Variants in ACOXL observed in about 807,000 individuals in gnomAD.
ACOXL encodes the protein acyl-coenzyme A oxidase-like protein.
A neutral mutation model predicts 71.9 loss-of-function variants in ACOXL; 70 were observed. The observed-to-expected ratio is 0.97, with a 90% CI of 0.80 to 1.19. ACOXL has a LOEUF of 1.19. Ranked by LOEUF, ACOXL falls within the 50% of genes most tolerant of loss-of-function variation. The pLI is 0.00. For missense variants in ACOXL, 703 were observed against 736.3 expected (o/e 0.95, Z 0.52); for synonymous variants, 253 against 281.6 (o/e 0.90, Z 1.02).
chr2:110,890,662 T>G (rs1574008510), intron 10 of ACOXL, among the ~76,000 whole-genome samples: 2 of 152,344 alleles, frequency 1.3e-5, no homozygotes, highest in East Asian at 3.8e-4. Flanking sequence ...TCTATTCCAT[T>G]GATCTATATG....
At chr2:110,768,190 C>T (rs1681367964) in intron 1 of ACOXL, among the ~76,000 whole-genome samples, 178 bp from the exon 2 acceptor site, 1 of 152,154 alleles carries the variant, frequency 6.6e-6, no homozygotes, top group South Asian at 2.1e-4. Context: ...TTCCATCTCT[C>T]CCTCCCTGTG....
intron 16 of ACOXL, among the ~76,000 whole-genome samples, chr2:111,068,483 T>C (rs1163773320): frequency 1.3e-5 from 2 of 152,216 alleles, no homozygotes; most frequent in African/African-American, 2.4e-5. Context: ...GTGAATCCTC[T>C]TAAGCTGCTC....
chr2:110,864,956 T>C (rs1390377516), intron 10 of ACOXL, among the ~76,000 whole-genome samples: 1 of 152,194 alleles, frequency 6.6e-6, no homozygotes, highest in African/African-American at 2.4e-5. Context: ...AGTGGGTTGA[T>C]GTGCAGGTGG....
At chr2:110,907,470 A>C (rs2059496901) in intron 10 of ACOXL, among the ~76,000 whole-genome samples, 1 of 152,158 alleles carries the variant, frequency 6.6e-6, no homozygotes, top group African/African-American at 2.4e-5. Flanking sequence ...GTGATCCAGC[A>C]AAAGCTGAGA....
intron 17 of ACOXL, chr2:111,093,692 C>A: frequency 6.3e-6 from 4 of 639,518 alleles, no homozygotes; most frequent in African/African-American, 1.9e-5. Flanking sequence ...TGGTGAAACC[C>A]TGTCTACTAA....
chr2:110,783,552 T>C (rs1367854601), intron 2 of ACOXL, among the ~76,000 whole-genome samples: 2 of 152,142 alleles, frequency 1.3e-5, no homozygotes, highest in Non-Finnish European at 2.9e-5. Context: ...GTGTGGAAAC[T>C]GAAAGTCATT....
intron 13 of ACOXL, among the ~76,000 whole-genome samples, chr2:110,992,284 A>G (rs948033850): frequency 4.6e-5 from 7 of 152,148 alleles, no homozygotes; most frequent in African/African-American, 1.2e-4. Flanking sequence ...GTGTTTATCT[A>G]CTTAAATCCC....
intron 12 of ACOXL, among the ~76,000 whole-genome samples, chr2:110,961,733 C>T (rs1415652354): frequency 6.6e-6 from 1 of 152,172 alleles, no homozygotes; most frequent in Non-Finnish European, 1.5e-5. Context: ...GTTTAATGGA[C>T]TCACAGTTCC....
intron 12 of ACOXL, among the ~76,000 whole-genome samples, chr2:110,949,294 C>A (rs1009593670): frequency 6.6e-6 from 1 of 151,466 alleles, no homozygotes; most frequent in Non-Finnish European, 1.5e-5. Context: ...GTAGAAGGGC[C>A]TTCTCAGTGG....
intron 16 of ACOXL, among the ~76,000 whole-genome samples, chr2:111,050,228 A>C (rs144441176): frequency 6.6e-6 from 1 of 151,968 alleles, no homozygotes; most frequent in South Asian, 2.1e-4. Flanking sequence ...GGGATTTTCA[A>C]CTCATTTGCC....
chr2:110,958,957 C>T (rs2061601795), intron 12 of ACOXL, among the ~76,000 whole-genome samples: 1 of 152,226 alleles, frequency 6.6e-6, no homozygotes, highest in South Asian at 2.1e-4. Context: ...CAAAAATAGA[C>T]TTGATTCAGA....
chr2:110,758,191 T>G (rs1679942755), intron 1 of ACOXL, among the ~76,000 whole-genome samples: 1 of 152,112 alleles, frequency 6.6e-6, no homozygotes. Context: ...TGTCAAAGAT[T>G]AGATGCTTGT....
chr2:110,737,083 G>A (rs966076553), intron 1 of ACOXL, among the ~76,000 whole-genome samples: 6 of 152,104 alleles, frequency 3.9e-5, no homozygotes, highest in Non-Finnish European at 7.4e-5. Context: ...ATATAAATAG[G>A]ATCTCACTGT....
At chr2:111,055,720 G>A (rs142927876) in intron 16 of ACOXL, among the ~76,000 whole-genome samples, 136 of 152,354 alleles carry the variant, frequency 8.9e-4, no homozygotes, top group Admixed American at 2.0e-3. Context: ...CTTTTCTGGG[G>A]TATGACTGCA....
chr2:110,961,988 G>A (rs986197384), intron 12 of ACOXL, among the ~76,000 whole-genome samples: 1 of 152,210 alleles, frequency 6.6e-6, no homozygotes, highest in African/African-American at 2.4e-5. Context: ...TGAGATTTGG[G>A]TGGGGACACA....
At chr2:111,106,715 C>T (rs898882955) in intron 17 of ACOXL, among the ~76,000 whole-genome samples, 13 of 152,154 alleles carry the variant, frequency 8.5e-5, no homozygotes, top group African/African-American at 3.1e-4. Flanking sequence ...GGTGCATCGC[C>T]TCATTACTGC....
intron 10 of ACOXL, among the ~76,000 whole-genome samples, chr2:110,900,100 C>T (rs986393631): frequency 6.4e-5 from 5 of 77,764 alleles, no homozygotes; most frequent in African/African-American, 1.7e-4. Context: ...CACACACACA[C>T]ACACACACAC....
rs533769226 is a variant in ACOXL at position 110,784,907 on chromosome 2, T to C, written c.159+92T>C. 60 of 1,166,722 alleles carry C rather than the reference T, an allele frequency of 5.1e-5. No homozygotes were observed. In the South Asian group the frequency reaches 9.9e-4, roughly 19 times the overall value. 72.3% of individuals were successfully genotyped at this position (1,166,722 alleles called of 1,614,324 possible). On this transcript the variant is annotated intron_variant, in intron 3 of 17. Transcript: ENST00000439055. ...TATAACCCCGTGAGCTCTCTCAGTCTATGTAGTGGCACAGGTGTTGGTAAA... is the reference window on the plus strand; with the variant it reads ...TATAACCCCGTGAGCTCTCTCAGTCCATGTAGTGGCACAGGTGTTGGTAAA...
At chr2:111,007,536 C>T (rs568050646) in intron 14 of ACOXL, among the ~76,000 whole-genome samples, 8 of 152,300 alleles carry the variant, frequency 5.3e-5, no homozygotes, top group South Asian at 2.1e-4. Flanking sequence ...CAAGCATTAA[C>T]GTTGAGAGCT....
Sources: gnomAD v4.1 joint callset for allele counts (sites outside exome capture counted in the v4.1 genomes callset) on GRCh38, gnomAD v4.1.1 for gene constraint, MANE v1.5 for transcripts, NCBI Gene and HGNC (gene_info 2026-07-23, HGNC 2026-07-21) for gene names.